KCNC2: variants seen among roughly 807,000 people sequenced by gnomAD.
KCNC2 encodes the protein voltage-gated potassium channel KCNC2.
Under a neutral mutation model 44.5 loss-of-function variants are expected in KCNC2, and 21 were observed. The ratio of observed to expected loss-of-function variants is 0.47; its 90% confidence interval spans 0.33 to 0.68. The LOEUF (loss-of-function observed/expected upper bound fraction) is 0.68, where lower values mean the gene tolerates loss of function less well. Ranked by LOEUF, KCNC2 falls within the 30% of genes least tolerant of loss-of-function variation. The pLI is 0.01. For missense variants in KCNC2, 589 were observed against 826.2 expected, an observed-to-expected ratio of 0.71 and a Z score of 3.52; for synonymous variants, 391 against 339.1, an observed-to-expected ratio of 1.15 and a Z score of -1.68.
rs147659792 is a variant in KCNC2, at chr12:75,102,662, G to A, written c.688-51345C>T. Among the ~76,000 whole-genome samples, 557 of 151,964 alleles carry A rather than the reference G, an allele frequency of 3.7e-3. 3 individuals carry two copies. The highest frequency in any genetic ancestry group is 0.013 in the African/African-American group (520 of 41,474). ...ATATTTCTAATTAATATATGCATACGTAATTCCTAATCATTTATGTTTTTT... is the reference window on the plus strand; with the variant it reads ...ATATTTCTAATTAATATATGCATACATAATTCCTAATCATTTATGTTTTTT... On this transcript the variant is annotated intron_variant, in intron 2 of 4. Coordinates refer to ENST00000549446, the MANE Select transcript of KCNC2 (RefSeq NM_139137.4).
chr12:75,056,085 T>C (rs954286956), intron 2 of KCNC2, among the ~76,000 whole-genome samples: 1 of 152,054 alleles, frequency 6.6e-6, no homozygotes, highest in Admixed American at 6.6e-5. Flanking sequence ...TATCCACAAG[T>C]TGCTCAGAGA....
chr12:75,116,306 G>A (rs1448885227), intron 2 of KCNC2, among the ~76,000 whole-genome samples: 1 of 151,974 alleles, frequency 6.6e-6, no homozygotes, highest in Non-Finnish European at 1.5e-5. Flanking sequence ...CTCATACTCT[G>A]CCTCAAAGAG....
chr12:75,163,960 G>A (rs1284341097), intron 2 of KCNC2, among the ~76,000 whole-genome samples: 1 of 151,618 alleles, frequency 6.6e-6, no homozygotes, highest in African/African-American at 2.4e-5. Context: ...CTACCTTGGG[G>A]AAAATCCTAC....
At chr12:75,195,419 T>A (rs1057393200) in intron 2 of KCNC2, among the ~76,000 whole-genome samples, 1 of 152,118 alleles carries the variant, frequency 6.6e-6, no homozygotes, top group Non-Finnish European at 1.5e-5. Flanking sequence ...AAAGAATAAC[T>A]AACTACTCAT....
In KCNC2 at chr12:75,043,068, T is replaced by C. The variant is rs1010251115; in HGVS notation, c.*37A>G. The C allele has an allele frequency of 6.2e-7, 1 of 1,608,572 alleles. No homozygotes were observed. Among genetic ancestry groups the C allele is most frequent in the Non-Finnish European group, 8.5e-7 (1 of 1,177,310 alleles). On this transcript the variant is annotated 3_prime_UTR_variant, in exon 5 of 5. Coordinates refer to ENST00000549446, the MANE Select transcript of KCNC2 (RefSeq NM_139137.4). Reference sequence around the variant, plus strand: ...ATGGGGTAAACAGCACTTGAATTAATACAATTTAGCCGACTGATGCAGTTT... The same window carrying C: ...ATGGGGTAAACAGCACTTGAATTAACACAATTTAGCCGACTGATGCAGTTT...
At chr12:75,063,683 A>T (rs563399463) in intron 2 of KCNC2, among the ~76,000 whole-genome samples, 4 of 152,230 alleles carry the variant, frequency 2.6e-5, no homozygotes, top group African/African-American at 9.6e-5. Context: ...TTCATTCAAT[A>T]AACAGTTAAT....
chr12:75,048,851 T>G (rs1880850468), intron 3 of KCNC2, among the ~76,000 whole-genome samples: 1 of 152,132 alleles, frequency 6.6e-6, no homozygotes, highest in Non-Finnish European at 1.5e-5. Context: ...CGGCAAGATA[T>G]TTTTGAGCAT....
intron 2 of KCNC2, among the ~76,000 whole-genome samples, chr12:75,119,228 C>T (rs1331769571): frequency 6.6e-6 from 1 of 152,176 alleles, no homozygotes; most frequent in African/African-American, 2.4e-5. Flanking sequence ...TCTGAGGCTG[C>T]TCACTCTTGT....
intron 2 of KCNC2, among the ~76,000 whole-genome samples, chr12:75,166,771 A>C (rs1443088816): frequency 2.7e-5 from 4 of 150,374 alleles, no homozygotes; most frequent in Non-Finnish European, 4.5e-5. Flanking sequence ...AAATGAAAAC[A>C]AAAAAAACAC....
chr12:75,138,507 G>A (rs1889390483), intron 2 of KCNC2, among the ~76,000 whole-genome samples: 1 of 152,098 alleles, frequency 6.6e-6, no homozygotes, highest in South Asian at 2.1e-4. Flanking sequence ...TAATTTAATA[G>A]AATATTTATG....
chr12:75,208,989 CG>C, intron 1 of KCNC2, among the ~76,000 whole-genome samples: 1 of 152,088 alleles, frequency 6.6e-6, no homozygotes, highest in South Asian at 2.1e-4. Context: ...GGGCGAGGCT[CG>C]GGGAAAAGCT....
chr12:75,195,366 A>G (rs1326334125), intron 2 of KCNC2, among the ~76,000 whole-genome samples: 2 of 152,152 alleles, frequency 1.3e-5, no homozygotes, highest in African/African-American at 2.4e-5. Context: ...AAAGAAAAAA[A>G]TCACAAAATA....
chr12:75,040,177 C>T lies in KCNC2; in HGVS notation c.*2928G>A, dbSNP rs200321728. The stretch of plus-strand genomic sequence containing the variant: ...TAGTTACATTTCCACTGGTTATCAT[C>T]AAGGTTGTGCATGCGCCTTGAAATG... On this transcript the variant is annotated 3_prime_UTR_variant, in exon 5 of 5. Transcript: ENST00000549446. The T allele has an allele frequency of 5.9e-5, 9 of 151,960 alleles. No individual in the cohort carries two copies. Among genetic ancestry groups the T allele is most frequent in the African/African-American group, 2.2e-4 (9 of 41,418 alleles). 9.4% of individuals were successfully genotyped at this position (151,960 alleles called of 1,614,324 possible). A position where few individuals can be genotyped will look rare whatever the true frequency, so the allele number is the denominator to read the frequency against.
intron 2 of KCNC2, among the ~76,000 whole-genome samples, chr12:75,188,317 G>C (rs999345889): frequency 6.6e-6 from 1 of 152,164 alleles, no homozygotes; most frequent in Non-Finnish European, 1.5e-5. Flanking sequence ...CAGTGAGAAA[G>C]ACTGCAATGT....
intron 2 of KCNC2, among the ~76,000 whole-genome samples, chr12:75,145,666 G>A (rs1043216891): frequency 6.6e-6 from 1 of 151,982 alleles, no homozygotes; most frequent in African/African-American, 2.4e-5. Flanking sequence ...CATTTAATCA[G>A]TGTCAAGGAT....
chr12:75,050,941 A>T lies in KCNC2; in HGVS notation c.1064T>A (p.Ile355Asn). 6.2e-7 allele frequency: 1 copy of T among 1,613,602 alleles called. No individual in the cohort carries two copies. The highest frequency in any genetic ancestry group is 8.5e-7 in the Non-Finnish European group (1 of 1,179,850). The change falls in exon 3 of 5, where the codon ATC (isoleucine) becomes AAC (asparagine). Residue 355 changes from isoleucine to asparagine, a missense_variant. This residue lies in a region of KCNC2 where 67 missense variants were observed against 237.4 expected (regional missense o/e 0.28). Coordinates refer to ENST00000549446, the MANE Select transcript of KCNC2 (RefSeq NM_139137.4). ...GCGGGTGAGCTTGAAAATTCTCAGG[A>T]TCCTCACAAACCTTACCACCCTGAG... Reference protein sequence around the residue: ...GFLRVVRFVRILRIFKLTRHF... With the variant: ...GFLRVVRFVRNLRIFKLTRHF...
chr12:75,176,910 A>G (rs1201323284), intron 2 of KCNC2, among the ~76,000 whole-genome samples: 1 of 151,726 alleles, frequency 6.6e-6, no homozygotes, highest in Middle Eastern at 3.2e-3. Context: ...AGCGTTCTCA[A>G]TAATTTAATT....
intron 2 of KCNC2, among the ~76,000 whole-genome samples, chr12:75,144,276 C>T (rs981682586): frequency 2.6e-5 from 4 of 152,152 alleles, no homozygotes; most frequent in African/African-American, 9.7e-5. Flanking sequence ...TGGGTATATT[C>T]CTTACATATC....
At chr12:75,136,642 G>A (rs1889250859) in intron 2 of KCNC2, among the ~76,000 whole-genome samples, 2 of 151,954 alleles carry the variant, frequency 1.3e-5, no homozygotes, top group South Asian at 2.1e-4. Flanking sequence ...ACCCTGAACA[G>A]ACCAATAATG....
Sources: allele counts gnomAD v4.1 joint callset (sites outside exome capture counted in the v4.1 genomes callset), GRCh38; gene constraint gnomAD v4.1.1; regional missense constraint gnomAD v4.1.1; transcripts MANE v1.5; gene names NCBI Gene and HGNC (gene_info 2026-07-23, HGNC 2026-07-21).